Variants in ZCWPW2 observed in about 807,000 individuals in gnomAD.
ZCWPW2 encodes the protein zinc finger CW-type and PWWP domain containing 2.
Under a neutral mutation model 46.6 loss-of-function variants are expected in ZCWPW2, and 45 were observed. The ratio of observed to expected loss-of-function variants is 0.96; its 90% confidence interval spans 0.76 to 1.24. The LOEUF is 1.24. Among genes scored for constraint, ZCWPW2 ranks in the 50% most tolerant of loss-of-function variants. The pLI is 0.00. For synonymous variants in ZCWPW2, 152 were observed against 137.1 expected (o/e 1.11, Z -0.76); for missense variants, 429 against 403.9 (o/e 1.06, Z -0.53).
At chr3:28,452,495 C>T (rs1467336286) in intron 4 of ZCWPW2, among the ~76,000 whole-genome samples, 1 of 152,064 alleles carries the variant, frequency 6.6e-6, no homozygotes, top group Non-Finnish European at 1.5e-5. Flanking sequence ...GGGGTTTCAC[C>T]AGGTTAGCCA....
At position 28,354,278 on chromosome 3, in the gene ZCWPW2, A is replaced by C. The variant is rs145465329; in HGVS notation, c.-134+5075A>C. Among the ~76,000 whole-genome samples the C allele has an allele frequency of 7.4e-4, 113 of 151,680 alleles. 1 individual carries two copies. The East Asian group carries it at 0.01, about 14-fold the overall frequency. On this transcript the variant is annotated intron_variant, in intron 1 of 9. Coordinates refer to ENST00000383768, the MANE Select transcript of ZCWPW2 (RefSeq NM_001040432.4). ...AGAAGAAATGGATAAATTCCTGGAC[A>C]CATACACCCTCCCAAGACTAAACCA...
intron 4 of ZCWPW2, among the ~76,000 whole-genome samples, chr3:28,465,541 T>C (rs1041295810): frequency 6.6e-6 from 1 of 152,212 alleles, no homozygotes; most frequent in African/African-American, 2.4e-5. Flanking sequence ...TACATTTTTA[T>C]TTTAATTAGA....
chr3:28,355,326 AC>A (rs1351357016), intron 1 of ZCWPW2, among the ~76,000 whole-genome samples: 1 of 152,358 alleles, frequency 6.6e-6, no homozygotes, highest in Non-Finnish European at 1.5e-5. Context: ...AGAATTACAA[AC>A]CACTGCTCAA....
rs183125781 is a variant in ZCWPW2 at position 28,441,646 on chromosome 3, C to T, written c.492+6377C>T. On this transcript the variant is annotated intron_variant, in intron 4 of 9. Coordinates refer to ENST00000383768, the MANE Select transcript of ZCWPW2 (RefSeq NM_001040432.4). ...GGGTGGCAGGACTGGAGACCGTGGGCATTTGAGCCACTTCCCCATGTACCT... is the reference window on the plus strand; with the variant it reads ...GGGTGGCAGGACTGGAGACCGTGGGTATTTGAGCCACTTCCCCATGTACCT... Among the ~76,000 whole-genome samples the T allele has an allele frequency of 2.5e-3, 386 of 152,190 alleles. 1 individual carries two copies. The highest frequency in any genetic ancestry group is 8.4e-3 in the African/African-American group (350 of 41,522).
chr3:28,496,104 G>A (rs1332439136), intron 6 of ZCWPW2, among the ~76,000 whole-genome samples: 1 of 151,942 alleles, frequency 6.6e-6, no homozygotes, highest in African/African-American at 2.4e-5. Flanking sequence ...CAAATTAAAT[G>A]GTTCTCGAAA....
intron 1 of ZCWPW2, among the ~76,000 whole-genome samples, chr3:28,367,404 C>G (rs1206799117): frequency 6.6e-6 from 1 of 152,082 alleles, no homozygotes; most frequent in Non-Finnish European, 1.5e-5. Context: ...CGTTATGTAC[C>G]CAGTAGTCAT....
At chr3:28,410,947 T>A (rs1696375021) in intron 2 of ZCWPW2, among the ~76,000 whole-genome samples, 1 of 151,920 alleles carries the variant, frequency 6.6e-6, no homozygotes, top group Non-Finnish European at 1.5e-5. Context: ...ATACTAAAAT[T>A]CATAAAATTT....
intron 5 of ZCWPW2, among the ~76,000 whole-genome samples, chr3:28,489,557 CCTAAAAAGATGAT>C (rs1699727428): frequency 6.6e-6 from 1 of 151,708 alleles, no homozygotes; most frequent in Non-Finnish European, 1.5e-5. Context: ...GGTGGAGTCA[CCTAAAAAGATGAT>C]ACAATAGTGA....
intron 4 of ZCWPW2, among the ~76,000 whole-genome samples, chr3:28,445,845 G>A (rs1245396584): frequency 2.6e-5 from 4 of 152,060 alleles, no homozygotes; most frequent in Non-Finnish European, 2.9e-5. Context: ...AATGAGAAAA[G>A]ATGTTCCGTG....
intron 5 of ZCWPW2, among the ~76,000 whole-genome samples, chr3:28,490,246 G>A (rs1295599507): frequency 1.3e-5 from 2 of 152,174 alleles, no homozygotes; most frequent in Admixed American, 1.3e-4. Context: ...CAGTGACTGT[G>A]TAAAGCAGTT....
intron 4 of ZCWPW2, among the ~76,000 whole-genome samples, chr3:28,443,429 G>A (rs576839838): frequency 6.6e-6 from 1 of 152,258 alleles, no homozygotes; most frequent in South Asian, 2.1e-4. Flanking sequence ...GATTGAGGGG[G>A]TGTGGTTCTC....
intron 2 of ZCWPW2, among the ~76,000 whole-genome samples, chr3:28,406,932 A>T (rs755965946): frequency 7.3e-5 from 11 of 151,516 alleles, no homozygotes; most frequent in Non-Finnish European, 1.5e-4. Context: ...AGCTGAAGCA[A>T]TCCTCATGCC....
intron 4 of ZCWPW2, among the ~76,000 whole-genome samples, chr3:28,439,151 A>G (rs1697626527): frequency 1.3e-5 from 2 of 150,858 alleles, no homozygotes; most frequent in African/African-American, 4.9e-5. Context: ...ATGTGTATAT[A>G]TATATATATA....
At chr3:28,455,354 T>C (rs768649888) in intron 4 of ZCWPW2, among the ~76,000 whole-genome samples, 1 of 152,216 alleles carries the variant, frequency 6.6e-6, no homozygotes. Flanking sequence ...CTTATAAATT[T>C]GTTTAAGTTC....
chr3:28,395,506 C>G (rs1034093428), intron 2 of ZCWPW2, among the ~76,000 whole-genome samples: 2 of 152,110 alleles, frequency 1.3e-5, no homozygotes, highest in Admixed American at 6.6e-5. Context: ...TGGAAACAAA[C>G]TAATGTCCAT....
At chr3:28,466,117 C>G (rs946758343) in intron 4 of ZCWPW2, among the ~76,000 whole-genome samples, 1 of 152,154 alleles carries the variant, frequency 6.6e-6, no homozygotes, top group Admixed American at 6.6e-5. Context: ...TAAGTGGAAG[C>G]TGAACATTGA....
At chr3:28,469,853 C>G (rs1287739521) in intron 4 of ZCWPW2, among the ~76,000 whole-genome samples, 1 of 152,106 alleles carries the variant, frequency 6.6e-6, no homozygotes, top group Non-Finnish European at 1.5e-5. Flanking sequence ...ATCCCACTTT[C>G]AGCATTGGAT....
At chr3:28,513,771 C>T (rs1216716081) in intron 6 of ZCWPW2, among the ~76,000 whole-genome samples, 1 of 151,780 alleles carries the variant, frequency 6.6e-6, no homozygotes, top group East Asian at 1.9e-4. Flanking sequence ...GTGTGTACAA[C>T]TTTAACGTGT....
intron 7 of ZCWPW2, among the ~76,000 whole-genome samples, chr3:28,514,881 A>T (rs533799064): frequency 7.2e-5 from 11 of 152,180 alleles, no homozygotes; most frequent in Non-Finnish European, 1.6e-4. Context: ...TCCTACTCAA[A>T]AACAAGGACT....
Sources: allele counts gnomAD v4.1 joint callset (sites outside exome capture counted in the v4.1 genomes callset), GRCh38; gene constraint gnomAD v4.1.1; transcripts MANE v1.5; gene names NCBI Gene and HGNC (gene_info 2026-07-23, HGNC 2026-07-21).